The following ZCCHC24 variants were observed in gnomAD, a reference collection of about 807,000 sequenced individuals.
ZCCHC24 encodes the protein zinc finger CCHC-type containing 24, also known as zinc finger CCHC domain-containing protein 24.
In ZCCHC24, 10 loss-of-function variants were observed where a neutral mutation model predicts 26.2. That is an observed-to-expected ratio of 0.38 (90% CI 0.24 to 0.65). The LOEUF is 0.65. Among genes scored for constraint, ZCCHC24 ranks in the 30% least tolerant of loss-of-function variants. The pLI is 0.54. For synonymous variants in ZCCHC24, 144 were observed against 147.1 expected (o/e 0.98, Z 0.15); for missense variants, 243 against 329.1 (o/e 0.74, Z 2.03).
At chr10:79,419,807 G>C (rs1053143988) in intron 2 of ZCCHC24, among the ~76,000 whole-genome samples, 4 of 152,120 alleles carry the variant, frequency 2.6e-5, no homozygotes, top group African/African-American at 9.7e-5. Context: ...TCAAGACCAG[G>C]ACTGGTCCTG....
chr10:79,392,042 C>T (rs562520485), intron 3 of ZCCHC24, among the ~76,000 whole-genome samples: 8 of 152,074 alleles, frequency 5.3e-5, no homozygotes, highest in South Asian at 2.1e-4. Flanking sequence ...CAGGCCCACC[C>T]GGCCTCCCTC....
chr10:79,428,810 T>C (rs532216765), intron 2 of ZCCHC24, among the ~76,000 whole-genome samples: 32 of 152,148 alleles, frequency 2.1e-4, no homozygotes, highest in Admixed American at 1.6e-3. Flanking sequence ...TTAACGACCT[T>C]ACAGAAATAA....
rs1485792125 is a variant in ZCCHC24, at chr10:79,432,705, G to A, written c.300C>T (p.Asn100=). ...KGASPYGSLN[N]IADGLSSLTE... is the part of the protein sequence containing the mutation. Reference sequence around the variant, plus strand: ...TGAGGGAGCTGAGGCCATCGGCGATGTTGTTGAGGGAGCCATAGGGTGAGG... The same window carrying A: ...TGAGGGAGCTGAGGCCATCGGCGATATTGTTGAGGGAGCCATAGGGTGAGG... The change falls in exon 2 of 4, where the codon AAC becomes AAT. Residue 100 remains asparagine, a synonymous_variant. Coordinates refer to ENST00000372336, the MANE Select transcript of ZCCHC24 (RefSeq NM_153367.4). The A allele has an allele frequency of 1.9e-6, 3 of 1,609,260 alleles. No individual in the cohort carries two copies. The highest frequency in any genetic ancestry group is 2.5e-6 in the Non-Finnish European group (3 of 1,178,442).
intron 2 of ZCCHC24, among the ~76,000 whole-genome samples, chr10:79,400,719 A>G (rs1589662719): frequency 6.6e-6 from 1 of 152,020 alleles, no homozygotes; most frequent in Admixed American, 6.5e-5. Flanking sequence ...CTGTGGCCAC[A>G]CTCCTGCCCC....
chr10:79,413,279 G>C (rs894014741), intron 2 of ZCCHC24, among the ~76,000 whole-genome samples: 3 of 152,240 alleles, frequency 2.0e-5, no homozygotes, highest in African/African-American at 7.2e-5. Context: ...GAGAGGTGGA[G>C]AGACTTTTTC....
intron 1 of ZCCHC24, among the ~76,000 whole-genome samples, chr10:79,437,421 T>A (rs4980083): frequency 3.9e-5 from 6 of 152,172 alleles, no homozygotes; most frequent in African/African-American, 1.4e-4. Flanking sequence ...TAGTCCCCTC[T>A]TACCTGGCAA....
intron 3 of ZCCHC24, among the ~76,000 whole-genome samples, chr10:79,393,792 C>A (rs1856507899): frequency 1.3e-5 from 2 of 152,056 alleles, no homozygotes; most frequent in African/African-American, 2.4e-5. Context: ...TGGCCAGCCC[C>A]CCACTTGTGA....
At chr10:79,422,796 T>C (rs1360520010) in intron 2 of ZCCHC24, among the ~76,000 whole-genome samples, 1 of 152,128 alleles carries the variant, frequency 6.6e-6, no homozygotes, top group Non-Finnish European at 1.5e-5. Context: ...GAGGCACAGG[T>C]GACAACACCC....
chr10:79,384,731 CA>C lies in ZCCHC24; in HGVS notation c.*1613del, dbSNP rs1856366239. ...ACTCCTCAGTTGTACAAAGCATTTT[CA>C]TTTGAATACAAAAGGCAACTGGACA... is the stretch of plus-strand genomic sequence containing the variant. On this transcript the variant is annotated 3_prime_UTR_variant, in exon 4 of 4. Coordinates refer to ENST00000372336, the MANE Select transcript of ZCCHC24 (RefSeq NM_153367.4). 1 of 152,740 alleles carries C rather than the reference CA, an allele frequency of 6.5e-6. No homozygotes were observed. Among genetic ancestry groups the C allele is most frequent in the Admixed American group, 6.5e-5 (1 of 15,284 alleles). The allele number at this position is 152,740 out of a possible 1,614,324, so 9.5% of individuals were successfully genotyped here.
intron 2 of ZCCHC24, among the ~76,000 whole-genome samples, chr10:79,395,260 T>C (rs1394830631): frequency 6.6e-6 from 1 of 152,092 alleles, no homozygotes; most frequent in African/African-American, 2.4e-5. Context: ...CCTACATAAC[T>C]ACAAATAGAG....
intron 2 of ZCCHC24, among the ~76,000 whole-genome samples, chr10:79,429,133 T>C (rs1455689692): frequency 6.6e-6 from 1 of 152,162 alleles, no homozygotes; most frequent in Non-Finnish European, 1.5e-5. Flanking sequence ...CACTATAACA[T>C]GGATGAACCA....
chr10:79,387,804 G>T (rs1384435033), intron 3 of ZCCHC24, among the ~76,000 whole-genome samples: 1 of 152,254 alleles, frequency 6.6e-6, no homozygotes, highest in Admixed American at 6.5e-5. Context: ...GGGAATGGAA[G>T]AGTCAGAAGG....
chr10:79,420,303 A>G (rs567108256), intron 2 of ZCCHC24, among the ~76,000 whole-genome samples: 1 of 152,026 alleles, frequency 6.6e-6, no homozygotes, highest in Non-Finnish European at 1.5e-5. Flanking sequence ...GACCCCTGAG[A>G]AAGCACAGCC....
intron 3 of ZCCHC24, among the ~76,000 whole-genome samples, chr10:79,387,021 C>T (rs1052849372): frequency 1.3e-5 from 2 of 152,188 alleles, no homozygotes; most frequent in African/African-American, 4.8e-5. Flanking sequence ...CTTGTGTGGC[C>T]TCAGAACTCA....
At chr10:79,403,747 C>T (rs1001216612) in intron 2 of ZCCHC24, among the ~76,000 whole-genome samples, 3 of 152,182 alleles carry the variant, frequency 2.0e-5, no homozygotes, top group African/African-American at 4.8e-5. Flanking sequence ...CTCCCACCCC[C>T]GTTCCCAGCC....
intron 2 of ZCCHC24, chr10:79,403,383 G>A: frequency 1.0e-6 from 1 of 985,404 alleles, no homozygotes; most frequent in Middle Eastern, 5.2e-4. Context: ...TGTGCTCTGT[G>A]GTACTGCTTT....
At chr10:79,393,936 T>C (rs1188837581) in intron 3 of ZCCHC24, among the ~76,000 whole-genome samples, 2 of 152,180 alleles carry the variant, frequency 1.3e-5, no homozygotes, top group African/African-American at 4.8e-5. Context: ...TGCCCGGGCC[T>C]GGTGCACACA....
At chr10:79,416,902 G>A (rs1368652580) in intron 2 of ZCCHC24, among the ~76,000 whole-genome samples, 5 of 152,146 alleles carry the variant, frequency 3.3e-5, no homozygotes, top group South Asian at 2.1e-4. Context: ...CACAGTGAGC[G>A]CTCCCTGTGC....
At chr10:79,414,261 T>C (rs1856832927) in intron 2 of ZCCHC24, among the ~76,000 whole-genome samples, 1 of 152,242 alleles carries the variant, frequency 6.6e-6, no homozygotes, top group South Asian at 2.1e-4. Flanking sequence ...CTTAAGTTCT[T>C]GGAGTCTCTA....
Sources: allele counts gnomAD v4.1 joint callset (sites outside exome capture counted in the v4.1 genomes callset), GRCh38; gene constraint gnomAD v4.1.1; transcripts MANE v1.5; gene names NCBI Gene and HGNC (gene_info 2026-07-23, HGNC 2026-07-21).